Variants in DOCK7 observed in about 807,000 individuals in gnomAD.
DOCK7 encodes the protein dedicator of cytokinesis protein 7.
DOCK7 carries 138 observed loss-of-function variants against 271.0 expected under a neutral mutation model. The observed-to-expected ratio is 0.51, with a 90% CI of 0.44 to 0.59. The LOEUF (loss-of-function observed/expected upper bound fraction) is 0.59, where lower values mean the gene tolerates loss of function less well. Among genes scored for constraint, DOCK7 ranks in the 20% least tolerant of loss-of-function variants. The pLI, the probability that DOCK7 is intolerant of heterozygous loss-of-function variation, is 0.00. For synonymous variants in DOCK7, 823 were observed against 876.1 expected, an observed-to-expected ratio of 0.94 and a Z score of 1.07; for missense variants, 2,066 against 2,592.4, an observed-to-expected ratio of 0.80 and a Z score of 4.41.
intron 39 of DOCK7, chr1:62,495,066 G>A (rs1050361823): frequency 1.3e-5 from 2 of 152,288 alleles, no homozygotes; most frequent in African/African-American, 2.4e-5. Context: ...TTCATATACT[G>A]TATTTTCTTC....
At chr1:62,566,772 G>C (rs976516386) in intron 18 of DOCK7, among the ~76,000 whole-genome samples, 2 of 152,046 alleles carry the variant, frequency 1.3e-5, no homozygotes, top group Non-Finnish European at 1.5e-5. Context: ...CTACAAAATG[G>C]GAGAAAATTT....
chr1:62,666,117 T>C (rs1342803052), intron 1 of DOCK7, among the ~76,000 whole-genome samples: 3 of 152,002 alleles, frequency 2.0e-5, no homozygotes, highest in African/African-American at 7.2e-5. Context: ...TAAGCTGAGA[T>C]TGCACCACTG....
intron 14 of DOCK7, chr1:62,608,569 A>T (rs997258709): frequency 3.3e-5 from 5 of 152,216 alleles, no homozygotes; most frequent in Admixed American, 3.3e-4. Context: ...AATACACAGA[A>T]TATGGCAAAT....
chr1:62,470,592 G>A lies in DOCK7; in HGVS notation c.6212+3390C>T, dbSNP rs151115414. Among the ~76,000 whole-genome samples the A allele has an allele frequency of 1.8e-4, 27 of 152,180 alleles. No individual in the cohort carries two copies. The East Asian group carries it at 4.3e-3, about 24-fold the overall frequency. ...AGGCAGATCATGAGGTCAGGAGTTC[G>A]AGACCAGCCTGACCAACATGATGAA... On this transcript the variant is annotated intron_variant, in intron 48 of 49. Transcript: ENST00000635253.
Position 62,648,663 on chromosome 1 carries a change from A to G in DOCK7, c.390-119T>C, listed in dbSNP as rs189281285. ...CTGCATTATTTCTTTATGTAATAAGAATCTATTCTAGCAATTTAGGTTAAA... is the reference window on the plus strand; with the variant it reads ...CTGCATTATTTCTTTATGTAATAAGGATCTATTCTAGCAATTTAGGTTAAA... On this transcript the variant is annotated intron_variant, in intron 4 of 49. Transcript: ENST00000635253. 332 of 529,564 alleles carry G rather than the reference A, an allele frequency of 6.3e-4. 2 individuals are homozygous for G. The highest frequency in any genetic ancestry group is 5.7e-3 in the African/African-American group (290 of 50,470). The allele number at this position is 529,564 out of a possible 1,614,324, so 32.8% of individuals were successfully genotyped here.
chr1:62,602,194 C>T (rs1650223973), intron 14 of DOCK7: 4 of 1,040,232 alleles, frequency 3.8e-6, no homozygotes, highest in Admixed American at 3.6e-5. Context: ...CTTACAAAAC[C>T]ACCAATTAAA....
At chr1:62,498,077 G>GA (rs1174144204) in intron 37 of DOCK7, among the ~76,000 whole-genome samples, 21 of 108,244 alleles carry the variant, frequency 1.9e-4, no homozygotes, top group Admixed American at 9.8e-4. Flanking sequence ...GCATGTCTAC[G>GA]AAATTTTTTT....
intron 14 of DOCK7, among the ~76,000 whole-genome samples, chr1:62,594,132 T>C (rs1003162746): frequency 1.3e-5 from 2 of 152,104 alleles, no homozygotes; most frequent in African/African-American, 4.8e-5. Context: ...ATTTTTTAGT[T>C]TTTACATTAC....
rs775435967 is a variant in DOCK7, at chr1:62,495,700, T to C, written c.4924-19A>G. On this transcript the variant is annotated intron_variant, in intron 38 of 49. Coordinates refer to ENST00000635253, the MANE Select transcript of DOCK7 (RefSeq NM_001367561.1). Reference sequence around the variant, plus strand: ...CCTGGACCTGCAGCAGAGAATTATATGAAAAACATTCTTGAATTGTCATTC... The same window carrying C: ...CCTGGACCTGCAGCAGAGAATTATACGAAAAACATTCTTGAATTGTCATTC... 1.3e-6 allele frequency: 2 copies of C among 1,546,834 alleles called. No homozygotes were observed. Among genetic ancestry groups the C allele is most frequent in the African/African-American group, 1.4e-5 (1 of 71,636 alleles).
chr1:62,674,256 C>T (rs545768914), intron 1 of DOCK7, among the ~76,000 whole-genome samples: 16 of 151,960 alleles, frequency 1.1e-4, no homozygotes, highest in Non-Finnish European at 2.1e-4. Context: ...GACCTTTACA[C>T]TGAAAACTTC....
chr1:62,494,695 C>G, intron 39 of DOCK7: 1 of 365,634 alleles, frequency 2.7e-6, no homozygotes, highest in East Asian at 4.0e-5. Context: ...AAAAGAAATA[C>G]GCCATATTAA....
intron 14 of DOCK7, among the ~76,000 whole-genome samples, chr1:62,591,548 A>C (rs1449435620): frequency 1.3e-5 from 2 of 152,174 alleles, no homozygotes; most frequent in Admixed American, 6.5e-5. Flanking sequence ...AAAGAAAAGA[A>C]AAACTCAAAA....
chr1:62,617,561 T>C (rs1248994115), intron 14 of DOCK7, among the ~76,000 whole-genome samples: 5 of 152,016 alleles, frequency 3.3e-5, no homozygotes, highest in Non-Finnish European at 5.9e-5. Context: ...CTCATCTGAA[T>C]TGAAATGTGC....
At position 62,639,426 on chromosome 1, in the gene DOCK7, C is replaced by CTTTTTTTTTTTTTT. The variant is rs386367151; in HGVS notation, c.819-2837_819-2824dup. ...AACTTAGTGCAAACTTTGTAATACT[C>CTTTTTTTTTTTTTT]TTTTTTTTTTTTTTTTTTTTTTTTT... is the stretch of plus-strand genomic sequence containing the variant. On this transcript the variant is annotated intron_variant, in intron 7 of 49. Transcript: ENST00000635253. Among the ~76,000 whole-genome samples, 14 of 75,864 alleles carry CTTTTTTTTTTTTTT rather than the reference C, an allele frequency of 1.8e-4. 1 individual carries two copies. Among genetic ancestry groups the CTTTTTTTTTTTTTT allele is most frequent in the African/African-American group, 7.6e-4 (13 of 17,006 alleles). The allele number at this position is 75,864 out of a possible 152,430, so 49.8% of individuals were successfully genotyped here.
Position 62,652,926 on chromosome 1 carries a change from T to C in DOCK7, c.389+799A>G, listed in dbSNP as rs527568784. On this transcript the variant is annotated intron_variant, in intron 4 of 49. Coordinates refer to ENST00000635253, the MANE Select transcript of DOCK7 (RefSeq NM_001367561.1). ...GTCAGCATTATCCCCCAGAGTGATA[T>C]TTAGCACAATGTAAAGCCTAGTGAA... Among the ~76,000 whole-genome samples the C allele has an allele frequency of 7.3e-4, 111 of 152,264 alleles. No homozygotes were observed. The South Asian group carries it at 0.023, about 31-fold the overall frequency.
intron 48 of DOCK7, among the ~76,000 whole-genome samples, chr1:62,461,760 A>C (rs1001171681): frequency 2.4e-4 from 37 of 152,046 alleles, no homozygotes; most frequent in African/African-American, 8.7e-4. Context: ...AGCAGGAAAC[A>C]GAAAACACAA....
At chr1:62,479,284 A>G (rs2149265307) in intron 43 of DOCK7, among the ~76,000 whole-genome samples, 1 of 152,340 alleles carries the variant, frequency 6.6e-6, no homozygotes, top group South Asian at 2.1e-4. Flanking sequence ...ACCAAAAAAA[A>G]AGGTATAGTG....
chr1:62,659,144 A>T (rs552633688), intron 2 of DOCK7, among the ~76,000 whole-genome samples: 20 of 152,336 alleles, frequency 1.3e-4, no homozygotes, highest in Admixed American at 3.9e-4. Context: ...AGGAAAAAGA[A>T]ACACAGCACG....
rs66892340 is a variant in DOCK7, at chr1:62,553,032, C to CTT, written c.2597-133_2597-132dup. On this transcript the variant is annotated intron_variant, in intron 21 of 49. Coordinates refer to ENST00000635253, the MANE Select transcript of DOCK7 (RefSeq NM_001367561.1). ...CTTTGGTTTCTAAATAAAAAATATA[C>CTT]TTTTTTTTTTTTTTTTTTTTTGAGA... 0.021 allele frequency: 3,591 copies of CTT among 167,438 alleles called. 68 individuals carry two copies. Among genetic ancestry groups the CTT allele is most frequent in the African/African-American group, 0.04 (910 of 22,532 alleles). 10.4% of individuals were successfully genotyped at this position (167,438 alleles called of 1,614,324 possible). A position where few individuals can be genotyped will look rare whatever the true frequency, so the allele number is the denominator to read the frequency against.
Sources: allele counts gnomAD v4.1 joint callset (sites outside exome capture counted in the v4.1 genomes callset), GRCh38; gene constraint gnomAD v4.1.1; transcripts MANE v1.5; gene names NCBI Gene and HGNC (gene_info 2026-07-23, HGNC 2026-07-21).